TACR1: variants seen among roughly 807,000 people sequenced by gnomAD.
The protein encoded by TACR1 is substance-P receptor.
A neutral mutation model predicts 35.8 loss-of-function variants in TACR1; 25 were observed. The ratio of observed to expected loss-of-function variants is 0.70; its 90% CI spans 0.51 to 0.98. TACR1 has a LOEUF of 0.98. Among genes scored for constraint, TACR1 ranks in the 50% least tolerant of loss-of-function variants. The pLI, the probability that TACR1 is intolerant of heterozygous loss-of-function variation, is 0.00. For synonymous variants in TACR1, 195 were observed against 206.7 expected (o/e 0.94, Z 0.48); for missense variants, 478 against 522.9 (o/e 0.91, Z 0.84).
chr2:75,131,170 G>T (rs1674170010), intron 1 of TACR1, among the ~76,000 whole-genome samples: 1 of 151,414 alleles, frequency 6.6e-6, no homozygotes, highest in African/African-American at 2.4e-5. Flanking sequence ...CTCACTGCAA[G>T]CTCCGCCTCC....
chr2:75,123,202 A>T (rs1405418062), intron 1 of TACR1, among the ~76,000 whole-genome samples: 1 of 78,428 alleles, frequency 1.3e-5, no homozygotes, highest in Non-Finnish European at 2.9e-5. Flanking sequence ...AGCACTGCAT[A>T]GTTCCTACCC....
chr2:75,120,832 T>C, intron 1 of TACR1, 64 bp from the exon 2 acceptor site: 1 of 1,316,990 alleles, frequency 7.6e-7, no homozygotes. Context: ...AGAGATTCCA[T>C]ATTTTTCCTG....
At position 75,191,266 on chromosome 2, in the gene TACR1, T is replaced by C. The variant is rs1281607106; in HGVS notation, c.389+7280A>G. Among the ~76,000 whole-genome samples, 5 of 152,164 alleles carry C rather than the reference T, an allele frequency of 3.3e-5. No homozygotes were observed. In the East Asian group the frequency reaches 5.8e-4, roughly 18 times the overall value. On this transcript the variant is annotated intron_variant, in intron 1 of 4. Transcript: ENST00000305249. ...TCGTATTTTTATATGGTGTGAACAA[T>C]GCAGGAGTTGGAGGGCTGGGTGGAG...
At chr2:75,144,651 G>T (rs963978346) in intron 1 of TACR1, among the ~76,000 whole-genome samples, 8 of 152,102 alleles carry the variant, frequency 5.3e-5, no homozygotes, top group African/African-American at 9.7e-5. Flanking sequence ...AAAGAAAACT[G>T]ATTCATATTA....
At chr2:75,066,407 C>T (rs770816131) in intron 2 of TACR1, among the ~76,000 whole-genome samples, 16 of 152,120 alleles carry the variant, frequency 1.1e-4, no homozygotes, top group South Asian at 2.1e-4. Context: ...TCACTCAGAG[C>T]GGGGAAACCA....
chr2:75,060,303 CT>C (rs1229391547), intron 2 of TACR1, among the ~76,000 whole-genome samples: 2 of 152,126 alleles, frequency 1.3e-5, no homozygotes, highest in African/African-American at 4.8e-5. Context: ...AAAAATAAGC[CT>C]AAATACATGG....
In TACR1 at chr2:75,085,374, A is replaced by G. The variant is rs146987346; in HGVS notation, c.585-31619T>C. 1.8e-4 allele frequency among the ~76,000 whole-genome samples: 28 copies of G among 152,098 alleles called. No individual in the cohort carries two copies. In the South Asian group the frequency reaches 2.7e-3, roughly 15 times the overall value. ...CCATCTCCTCACTTGGTGTCCTGCA[A>G]TCATTTCTCTTTCTCTGCCACTTCT... On this transcript the variant is annotated intron_variant, in intron 2 of 4. Transcript: ENST00000305249.
chr2:75,118,393 A>G (rs982366957), intron 2 of TACR1, among the ~76,000 whole-genome samples: 1 of 152,246 alleles, frequency 6.6e-6, no homozygotes, highest in Non-Finnish European at 1.5e-5. Context: ...GATGCTCTTA[A>G]GCCAAGCTTA....
chr2:75,181,582 T>C (rs1441776918), intron 1 of TACR1, among the ~76,000 whole-genome samples: 1 of 152,216 alleles, frequency 6.6e-6, no homozygotes, highest in Non-Finnish European at 1.5e-5. Flanking sequence ...GAATTCATAG[T>C]GTCAAATTCC....
chr2:75,148,138 G>T (rs1387359674), intron 1 of TACR1, among the ~76,000 whole-genome samples: 1 of 152,122 alleles, frequency 6.6e-6, no homozygotes, highest in Admixed American at 6.5e-5. Context: ...ATTTGGGTTG[G>T]TTCCATGTCT....
At position 75,198,574 on chromosome 2, in the gene TACR1, A is replaced by G; in HGVS notation, c.361T>C (p.Tyr121His). 6.2e-7 allele frequency: 1 copy of G among 1,614,082 alleles called. No homozygotes were observed. Among genetic ancestry groups the G allele is most frequent in the African/African-American group, 1.3e-5 (1 of 75,042 alleles). ...FPIAAVFASI[Y>H]SMTAVAFDRY... Reference sequence around the variant, plus strand: ...TCAAAGGCCACAGCCGTCATGGAGTAGATACTGGCGAAGACAGCGGCGATG... The same window carrying G: ...TCAAAGGCCACAGCCGTCATGGAGTGGATACTGGCGAAGACAGCGGCGATG... The change falls in exon 1 of 5, where the codon TAC (tyrosine) becomes CAC (histidine). Residue 121 changes from tyrosine (Y) to histidine (H), a missense_variant. By Grantham distance (83) the Tyr-to-His change is moderately conservative. Coordinates refer to ENST00000305249, the MANE Select transcript of TACR1 (RefSeq NM_001058.4).
At chr2:75,178,674 T>C (rs898202126) in intron 1 of TACR1, among the ~76,000 whole-genome samples, 2 of 152,236 alleles carry the variant, frequency 1.3e-5, no homozygotes, top group African/African-American at 4.8e-5. Context: ...GAGTAAGTAA[T>C]GATCTCGTCT....
At chr2:75,090,997 A>C (rs1298206799) in intron 2 of TACR1, 1 of 151,932 alleles carries the variant, frequency 6.6e-6, no homozygotes. Context: ...TTCTCACCTT[A>C]TCTGAAAAGG....
At chr2:75,090,649 T>C (rs540715504) in intron 2 of TACR1, among the ~76,000 whole-genome samples, 10 of 152,268 alleles carry the variant, frequency 6.6e-5, no homozygotes, top group Non-Finnish European at 1.0e-4. Context: ...TGTCAGCTAG[T>C]AGTTGTTATC....
At chr2:75,158,375 G>T (rs868597987) in intron 1 of TACR1, among the ~76,000 whole-genome samples, 8 of 152,166 alleles carry the variant, frequency 5.3e-5, no homozygotes, top group African/African-American at 1.2e-4. Flanking sequence ...TATTCCCAGT[G>T]TCTGGCTTAA....
At chr2:75,182,671 C>CT (rs1271567338) in intron 1 of TACR1, among the ~76,000 whole-genome samples, 1 of 152,144 alleles carries the variant, frequency 6.6e-6, no homozygotes, top group African/African-American at 2.4e-5. Flanking sequence ...TCCAAATTGC[C>CT]TACAGTATTT....
intron 2 of TACR1, among the ~76,000 whole-genome samples, chr2:75,065,724 T>C (rs972998119): frequency 3.9e-5 from 6 of 152,212 alleles, no homozygotes; most frequent in Non-Finnish European, 7.3e-5. Context: ...GGTGGGACAT[T>C]GTTTAGAAAC....
At chr2:75,122,237 G>A (rs1673984424) in intron 1 of TACR1, among the ~76,000 whole-genome samples, 1 of 152,202 alleles carries the variant, frequency 6.6e-6, no homozygotes, top group African/African-American at 2.4e-5. Flanking sequence ...TGGTCTACTG[G>A]AGGGGCTTCG....
chr2:75,053,796 A>C, intron 2 of TACR1, 41 bp from the exon 3 acceptor site: 1 of 1,612,996 alleles, frequency 6.2e-7, no homozygotes, highest in Non-Finnish European at 8.5e-7. Context: ...TGATATACTT[A>C]TTATTTTAGG....
Sources: gnomAD v4.1 joint callset for allele counts (sites outside exome capture counted in the v4.1 genomes callset) on GRCh38, gnomAD v4.1.1 for gene constraint, MANE v1.5 for transcripts, NCBI Gene and HGNC (gene_info 2026-07-23, HGNC 2026-07-21) for gene names.